Variants in GNG2 observed in about 807,000 individuals in gnomAD.
GNG2 encodes the protein G protein subunit gamma 2.
Under a neutral mutation model 5.5 loss-of-function variants are expected in GNG2, and 5 were observed. That is an observed-to-expected ratio of 0.91 (90% confidence interval 0.48 to 1.92). The LOEUF (loss-of-function observed/expected upper bound fraction) is 1.92, where lower values mean the gene tolerates loss of function less well. GNG2 is among the 30% of genes most tolerant of loss of function. The probability of loss-of-function intolerance (pLI) is 0.01; values close to 1 mark genes in which losing one functional copy is unlikely to be tolerated. For synonymous variants in GNG2, 28 were observed against 32.0 expected (o/e 0.88, Z 0.42); for missense variants, 55 against 88.4 (o/e 0.62, Z 1.52).
At chr14:51,852,598 A>C (rs1203578303) in intron 2 of GNG2, among the ~76,000 whole-genome samples, 1 of 152,246 alleles carries the variant, frequency 6.6e-6, no homozygotes, top group Non-Finnish European at 1.5e-5. Flanking sequence ...CTGCACAAAA[A>C]TAGTAATTCG....
chr14:51,901,987 AAAAAAG>A (rs1296139147), intron 2 of GNG2, among the ~76,000 whole-genome samples: 6 of 149,862 alleles, frequency 4.0e-5, no homozygotes, highest in African/African-American at 7.4e-5. Context: ...AAAAAAAAAA[AAAAAAG>A]ACCAATGATT....
At chr14:51,960,452 T>G (rs1347423214) in intron 3 of GNG2, among the ~76,000 whole-genome samples, 1 of 152,162 alleles carries the variant, frequency 6.6e-6, no homozygotes, top group Non-Finnish European at 1.5e-5. Flanking sequence ...ATAAATCTGC[T>G]AATTCTATTC....
upstream of GNG2, among the ~76,000 whole-genome samples, chr14:51,859,159 G>A (rs1167479631): frequency 6.6e-6 from 1 of 152,166 alleles, no homozygotes; most frequent in Non-Finnish European, 1.5e-5. Context: ...GGAATTAACT[G>A]TTTCCTGGCA....
At chr14:51,845,423 G>A (rs1881596141) in intron 2 of GNG2, among the ~76,000 whole-genome samples, 1 of 152,178 alleles carries the variant, frequency 6.6e-6, no homozygotes. Flanking sequence ...GAACCCAGGA[G>A]GTCAAGGCTG....
At chr14:51,963,273 T>C (rs1889716598) in intron 3 of GNG2, among the ~76,000 whole-genome samples, 1 of 152,182 alleles carries the variant, frequency 6.6e-6, no homozygotes, top group African/African-American at 2.4e-5. Flanking sequence ...AGCTCTAAGT[T>C]ATTAAATTTT....
At chr14:51,880,520 A>G (rs895029818) in intron 2 of GNG2, among the ~76,000 whole-genome samples, 6 of 152,186 alleles carry the variant, frequency 3.9e-5, no homozygotes, top group Non-Finnish European at 7.4e-5. Context: ...TTTAAAAATC[A>G]TCTTTTGAGT....
chr14:51,944,507 T>C (rs1888530361), intron 2 of GNG2, among the ~76,000 whole-genome samples: 1 of 152,170 alleles, frequency 6.6e-6, no homozygotes, highest in African/African-American at 2.4e-5. Context: ...AGCTTTCACA[T>C]GTGAATGTGG....
At chr14:51,925,853 C>T (rs1435410097) in intron 2 of GNG2, among the ~76,000 whole-genome samples, 2 of 151,768 alleles carry the variant, frequency 1.3e-5, no homozygotes, top group Non-Finnish European at 2.9e-5. Context: ...AACTCCTGGC[C>T]TCAAGTGATT....
chr14:51,865,199 C>A (rs1882794090), intron 1 of GNG2, among the ~76,000 whole-genome samples: 1 of 151,912 alleles, frequency 6.6e-6, no homozygotes, highest in East Asian at 1.9e-4. Context: ...AAATAATGAC[C>A]CCTAATTTTA....
chr14:51,844,103 A>G (rs1265512256), intron 2 of GNG2, among the ~76,000 whole-genome samples: 2 of 152,218 alleles, frequency 1.3e-5, no homozygotes, highest in Admixed American at 1.3e-4. Context: ...GCTGTCCCAG[A>G]TATTCAACCA....
chr14:51,931,880 G>C (rs577010195), intron 2 of GNG2, among the ~76,000 whole-genome samples: 1 of 152,268 alleles, frequency 6.6e-6, no homozygotes, highest in Admixed American at 6.5e-5. Flanking sequence ...TAGTTGTATA[G>C]CCATGTTCAC....
intron 2 of GNG2, among the ~76,000 whole-genome samples, chr14:51,844,694 A>G (rs1881575778): frequency 6.6e-6 from 1 of 152,054 alleles, no homozygotes; most frequent in Non-Finnish European, 1.5e-5. Context: ...GCACCACACC[A>G]TGGCCTTGGT....
intron 2 of GNG2, among the ~76,000 whole-genome samples, chr14:51,830,156 G>A (rs906309060): frequency 2.0e-5 from 3 of 152,178 alleles, no homozygotes; most frequent in South Asian, 4.1e-4. Context: ...CCTACTTCTT[G>A]AAGTGCTTGA....
chr14:51,847,291 C>T (rs1881658630), intron 2 of GNG2: 1 of 152,262 alleles, frequency 6.6e-6, no homozygotes, highest in Non-Finnish European at 1.5e-5. Flanking sequence ...TTGGTCTCTG[C>T]AGCGTCTGTA....
chr14:51,919,672 T>C (rs1886890765), intron 2 of GNG2, among the ~76,000 whole-genome samples: 1 of 152,244 alleles, frequency 6.6e-6, no homozygotes, highest in Non-Finnish European at 1.5e-5. Context: ...CAGCTGAGCT[T>C]TGGCTGATTG....
At position 51,967,848 on chromosome 14, in the gene GNG2, C is replaced by A. The variant is rs1890013774; in HGVS notation, c.*1161C>A. The A allele has an allele frequency of 6.6e-6, 1 of 151,902 alleles. No individual in the cohort carries two copies. Among genetic ancestry groups the A allele is most frequent in the South Asian group, 2.1e-4 (1 of 4,800 alleles). The allele number at this position is 151,902 out of a possible 1,614,324, so 9.4% of individuals were successfully genotyped here. ...TGTGCTCTTAACAAGAAAACCATGGCCCTCCTTTGTTCAAGTATCAGAAGA... is the reference window on the plus strand; with the variant it reads ...TGTGCTCTTAACAAGAAAACCATGGACCTCCTTTGTTCAAGTATCAGAAGA... On this transcript the variant is annotated 3_prime_UTR_variant, in exon 4 of 4. Transcript: ENST00000556766.
intron 1 of GNG2, among the ~76,000 whole-genome samples, chr14:51,868,580 A>T (rs1396629097): frequency 1.3e-5 from 2 of 152,212 alleles, no homozygotes; most frequent in African/African-American, 4.8e-5. Flanking sequence ...GACCAAAATG[A>T]TGCTGAGGAT....
At chr14:51,910,150 T>C (rs1000458301) in intron 2 of GNG2, among the ~76,000 whole-genome samples, 1 of 152,206 alleles carries the variant, frequency 6.6e-6, no homozygotes, top group Non-Finnish European at 1.5e-5. Flanking sequence ...AAATATAGAT[T>C]TGGAAACTGT....
intron 2 of GNG2, among the ~76,000 whole-genome samples, chr14:51,936,597 C>T (rs1229468623): frequency 6.7e-6 from 1 of 149,944 alleles, no homozygotes; most frequent in African/African-American, 2.5e-5. Context: ...GTGGCCCAGG[C>T]TGGAGCGCAG....
Sources: allele counts gnomAD v4.1 joint callset (sites outside exome capture counted in the v4.1 genomes callset), GRCh38; gene constraint gnomAD v4.1.1; transcripts MANE v1.5; gene names NCBI Gene and HGNC (gene_info 2026-07-23, HGNC 2026-07-21).